PRKAA2: variants seen among roughly 807,000 people sequenced by gnomAD.
PRKAA2 encodes the protein protein kinase AMP-activated catalytic subunit alpha 2, also known as 5'-AMP-activated protein kinase catalytic subunit alpha-2.
In PRKAA2, 40 loss-of-function variants were observed where a neutral mutation model predicts 56.3. That is an observed-to-expected ratio of 0.71 (90% confidence interval 0.55 to 0.92). PRKAA2 has a LOEUF of 0.92. PRKAA2 is among the 40% of genes least tolerant of loss of function. The pLI is 0.00. For synonymous variants in PRKAA2, 214 were observed against 234.2 expected, an observed-to-expected ratio of 0.91 and a Z score of 0.79; for missense variants, 542 against 686.9, an observed-to-expected ratio of 0.79 and a Z score of 2.36.
Position 56,655,812 on chromosome 1 carries a change from C to G in PRKAA2, c.94+10331C>G, listed in dbSNP as rs78915188. On this transcript the variant is annotated intron_variant, in intron 1 of 8. Coordinates refer to ENST00000371244, the MANE Select transcript of PRKAA2 (RefSeq NM_006252.4). Reference sequence around the variant, plus strand: ...CAGTTGGGTTTTTGGCTGCAACCCTCTGAAGACGGATATCCTGCTTAGAAT... The same window carrying G: ...CAGTTGGGTTTTTGGCTGCAACCCTGTGAAGACGGATATCCTGCTTAGAAT... Among the ~76,000 whole-genome samples, 476 of 152,240 alleles carry G rather than the reference C, an allele frequency of 3.1e-3. 17 individuals are homozygous for G. In the East Asian group the frequency reaches 0.078, roughly 25 times the overall value.
intron 5 of PRKAA2, among the ~76,000 whole-genome samples, chr1:56,694,143 T>C (rs1644244713): frequency 1.3e-5 from 2 of 152,214 alleles, no homozygotes; most frequent in South Asian, 4.1e-4. Flanking sequence ...AGTAAGAATT[T>C]GCTAAATTTA....
At chr1:56,665,596 C>T (rs926790061) in intron 1 of PRKAA2, among the ~76,000 whole-genome samples, 3 of 152,146 alleles carry the variant, frequency 2.0e-5, no homozygotes, top group Admixed American at 1.3e-4. Context: ...TTAGTAGTTA[C>T]CCATTTTGCA....
intron 1 of PRKAA2, among the ~76,000 whole-genome samples, chr1:56,658,727 T>TC (rs1333885729): frequency 6.6e-6 from 1 of 151,736 alleles, no homozygotes; most frequent in Non-Finnish European, 1.5e-5. Context: ...TCCTCCGTGA[T>TC]CCTCCTGCCT....
In PRKAA2 at chr1:56,712,937, A is replaced by T. The variant is rs1366862659; in HGVS notation, c.*5224A>T. 1 of 152,158 alleles carries T rather than the reference A, an allele frequency of 6.6e-6. No homozygotes were observed. The highest frequency in any genetic ancestry group is 2.4e-5 in the African/African-American group (1 of 41,466). The allele number at this position is 152,158 out of a possible 1,614,324, so 9.4% of individuals were successfully genotyped here. ...TTTGACTATTATCTGAATTAGTCTT[A>T]TCCAAATTTCATATGCAGATTGATT... On this transcript the variant is annotated 3_prime_UTR_variant, in exon 9 of 9. Transcript: ENST00000371244.
chr1:56,666,114 T>C (rs1644034233), intron 1 of PRKAA2, among the ~76,000 whole-genome samples: 1 of 152,186 alleles, frequency 6.6e-6, no homozygotes, highest in African/African-American at 2.4e-5. Context: ...GCAGCAATAC[T>C]AGTAGATTGT....
In PRKAA2 at chr1:56,691,507, G is replaced by A. The variant is rs552390892; in HGVS notation, c.330+20G>A. The A allele has an allele frequency of 6.5e-6, 10 of 1,544,532 alleles. No individual in the cohort carries two copies. The African/African-American group carries it at 1.4e-4, about 21-fold the overall frequency. On this transcript the variant is annotated intron_variant, in intron 3 of 8. Coordinates refer to ENST00000371244, the MANE Select transcript of PRKAA2 (RefSeq NM_006252.4). ...GGACGGGTGAGTAACATACTATCTG[G>A]TACACTAAATCTCTAAACTAATAAA...
chr1:56,678,792 T>C (rs375494946), intron 2 of PRKAA2, among the ~76,000 whole-genome samples: 121 of 151,938 alleles, frequency 8.0e-4, no homozygotes, highest in African/African-American at 2.8e-3. Flanking sequence ...GCCTCCTGTG[T>C]TCAAGCGATT....
rs1644368165 is a variant in PRKAA2 at position 56,711,416 on chromosome 1, T to G, written c.*3703T>G. On this transcript the variant is annotated 3_prime_UTR_variant, in exon 9 of 9. Coordinates refer to ENST00000371244, the MANE Select transcript of PRKAA2 (RefSeq NM_006252.4). ...GGCACCTCACTTTGGATTTATAAAA[T>G]GTAAAAACCTGGAACATGCCTGCCA... 1 of 152,170 alleles carries G rather than the reference T, an allele frequency of 6.6e-6. No homozygotes were observed. The highest frequency in any genetic ancestry group is 2.4e-5 in the African/African-American group (1 of 41,454). The allele number at this position is 152,170 out of a possible 1,614,324, so 9.4% of individuals were successfully genotyped here.
At chr1:56,655,280 A>ATATATATTTTTTTTTTTTTTTTTT in intron 1 of PRKAA2, among the ~76,000 whole-genome samples, 3 of 93,680 alleles carry the variant, frequency 3.2e-5, no homozygotes, top group African/African-American at 4.5e-5. Context: ...ATATATATAT[A>ATATATATTTTTTTTTTTTTTTTTT]TTTTTTTTTT....
At chr1:56,705,537 A>C (rs1644325793) in intron 7 of PRKAA2, among the ~76,000 whole-genome samples, 1 of 152,046 alleles carries the variant, frequency 6.6e-6, no homozygotes, top group African/African-American at 2.4e-5. Context: ...CTGGGACTAC[A>C]GGCGCCTGCC....
intron 8 of PRKAA2, among the ~76,000 whole-genome samples, chr1:56,706,563 G>GT (rs1169105617): frequency 6.6e-6 from 1 of 152,184 alleles, no homozygotes; most frequent in Non-Finnish European, 1.5e-5. Context: ...TTATTAGTTA[G>GT]TATTATAGTG....
intron 1 of PRKAA2, among the ~76,000 whole-genome samples, chr1:56,657,209 G>A (rs1363761486): frequency 6.6e-6 from 1 of 152,036 alleles, no homozygotes; most frequent in Non-Finnish European, 1.5e-5. Context: ...AAGCAGCCAG[G>A]GGGTGGGGTA....
intron 1 of PRKAA2, among the ~76,000 whole-genome samples, chr1:56,660,102 T>C (rs564738253): frequency 6.6e-6 from 1 of 152,298 alleles, no homozygotes; most frequent in South Asian, 2.1e-4. Context: ...TTAGAAAATT[T>C]CCTTATTTTT....
chr1:56,697,879 C>T (rs542882697), intron 6 of PRKAA2, among the ~76,000 whole-genome samples: 29 of 151,674 alleles, frequency 1.9e-4, no homozygotes, highest in African/African-American at 6.8e-4. Flanking sequence ...TATTTATATA[C>T]TTCAGAAGAA....
intron 2 of PRKAA2, among the ~76,000 whole-genome samples, chr1:56,676,199 G>A (rs1379763750): frequency 1.3e-5 from 2 of 152,176 alleles, no homozygotes; most frequent in Non-Finnish European, 2.9e-5. Context: ...ATGTTAGGTT[G>A]CATGGCAAAG....
intron 5 of PRKAA2, among the ~76,000 whole-genome samples, chr1:56,694,393 C>T (rs1165357569): frequency 3.3e-5 from 5 of 152,020 alleles, no homozygotes; most frequent in South Asian, 2.1e-4. Flanking sequence ...CAGTGATCAA[C>T]GTGTGATTTT....
intron 6 of PRKAA2, 52 bp from the exon 7 acceptor site, chr1:56,703,919 T>C (rs1232355270): frequency 3.3e-6 from 5 of 1,510,790 alleles, no homozygotes; most frequent in East Asian, 2.3e-5. Context: ...TCTAAATTAT[T>C]TGGACTTGCC....
At chr1:56,647,069 G>A in intron 1 of PRKAA2, among the ~76,000 whole-genome samples, 1 of 152,184 alleles carries the variant, frequency 6.6e-6, no homozygotes, top group East Asian at 1.9e-4. Flanking sequence ...AGACAAGGTG[G>A]TATTTTTGCA....
At chr1:56,679,799 A>G (rs2796503) in intron 2 of PRKAA2, among the ~76,000 whole-genome samples, 150,027 of 152,172 alleles carry the variant, frequency 0.99, 73,957 homozygotes, top group East Asian at 1. Context: ...GTTTTATGCC[A>G]CCTTTGCTAT....
Sources: gnomAD v4.1 joint callset for allele counts (sites outside exome capture counted in the v4.1 genomes callset) on GRCh38, gnomAD v4.1.1 for gene constraint, MANE v1.5 for transcripts, NCBI Gene and HGNC (gene_info 2026-07-23, HGNC 2026-07-21) for gene names.